SYNPR: variants seen among roughly 807,000 people sequenced by gnomAD.
SYNPR encodes the protein synaptoporin.
SYNPR carries 23 observed loss-of-function variants against 32.9 expected under a neutral mutation model. The ratio of observed to expected loss-of-function variants is 0.70; its 90% confidence interval spans 0.50 to 0.99. The LOEUF is 0.99. Among genes scored for constraint, SYNPR ranks in the 50% least tolerant of loss-of-function variants. The pLI is 0.00. For missense variants in SYNPR, 318 were observed against 349.3 expected (o/e 0.91, Z 0.71); for synonymous variants, 146 against 135.9 (o/e 1.07, Z -0.52).
At chr3:63,400,047 G>A (rs574355654) in intron 2 of SYNPR, among the ~76,000 whole-genome samples, 1 of 152,324 alleles carries the variant, frequency 6.6e-6, no homozygotes, top group Non-Finnish European at 1.5e-5. Flanking sequence ...ATTCTGCAGA[G>A]GATGAGCAAG....
chr3:63,376,511 G>C (rs1255816130), intron 2 of SYNPR, among the ~76,000 whole-genome samples: 1 of 151,974 alleles, frequency 6.6e-6, no homozygotes, highest in Non-Finnish European at 1.5e-5. Flanking sequence ...ACCACTCTGG[G>C]CTTCTTTTTG....
Position 63,291,777 on chromosome 3 carries a change from T to C in SYNPR, c.84+13035T>C, listed in dbSNP as rs2086741209. Among the ~76,000 whole-genome samples the C allele has an allele frequency of 2.0e-5, 3 of 152,174 alleles. No individual in the cohort carries two copies. In the South Asian group the frequency reaches 6.2e-4, roughly 31 times the overall value. ...GCTATTCTGGGGGAAAAGGCTGTGT[T>C]TACCAGCAACAGTACGTAAATTTGA... On this transcript the variant is annotated intron_variant, in intron 2 of 5. Coordinates refer to ENST00000478300, the MANE Select transcript of SYNPR (RefSeq NM_001130003.2).
intron 2 of SYNPR, among the ~76,000 whole-genome samples, chr3:63,319,105 T>C (rs968389934): frequency 6.6e-6 from 1 of 152,056 alleles, no homozygotes; most frequent in African/African-American, 2.4e-5. Flanking sequence ...TCCTGTGATG[T>C]GAACCATCTG....
In SYNPR at chr3:63,287,145, G is replaced by C. The variant is rs964603742; in HGVS notation, c.84+8403G>C. Among the ~76,000 whole-genome samples, 4 of 152,056 alleles carry C rather than the reference G, an allele frequency of 2.6e-5. No individual in the cohort carries two copies. In the East Asian group the frequency reaches 7.7e-4, roughly 29 times the overall value. The stretch of plus-strand genomic sequence containing the variant: ...GTAATGAATTATCCAAACTTTACTG[G>C]GGAATGTTCCTTAGGAGAGGGGAAT... On this transcript the variant is annotated intron_variant, in intron 2 of 5. Coordinates refer to ENST00000478300, the MANE Select transcript of SYNPR (RefSeq NM_001130003.2).
chr3:63,210,795 CCCTTCCTTCCTT>C, the SYNPR span, among the ~76,000 whole-genome samples: 2,658 of 143,954 alleles, frequency 0.018, 83 homozygotes, highest in African/African-American at 0.064. Context: ...CCATTTTCCT[CCCTTCCTTCCTT>C]CCTTCCTTCC....
intron 4 of SYNPR, among the ~76,000 whole-genome samples, chr3:63,600,318 T>C (rs1700021014): frequency 6.6e-6 from 1 of 152,204 alleles, no homozygotes; most frequent in Non-Finnish European, 1.5e-5. Flanking sequence ...TTCTACATCA[T>C]GCTCTGTGCC....
At chr3:63,464,981 C>A (rs1445083544) in intron 2 of SYNPR, among the ~76,000 whole-genome samples, 1 of 152,136 alleles carries the variant, frequency 6.6e-6, no homozygotes, top group Admixed American at 6.6e-5. Flanking sequence ...TATGTCTATG[C>A]TCATTAGTGT....
chr3:63,587,177 C>T (rs982822726), intron 4 of SYNPR, among the ~76,000 whole-genome samples: 2 of 152,070 alleles, frequency 1.3e-5, no homozygotes, highest in African/African-American at 4.8e-5. Flanking sequence ...ATGTCATTGG[C>T]CGTGACTAAA....
chr3:63,288,244 T>C (rs1218006413), intron 2 of SYNPR, among the ~76,000 whole-genome samples: 2 of 152,214 alleles, frequency 1.3e-5, no homozygotes, highest in African/African-American at 2.4e-5. Context: ...AAAAGGGTCA[T>C]GATATTCGAA....
intron 2 of SYNPR, among the ~76,000 whole-genome samples, chr3:63,294,525 G>A (rs925468906): frequency 6.6e-6 from 1 of 152,294 alleles, no homozygotes; most frequent in East Asian, 1.9e-4. Context: ...TGCTGTTCAC[G>A]TGGACTTTTA....
At chr3:63,569,356 T>C (rs1268578894) in intron 4 of SYNPR, among the ~76,000 whole-genome samples, 1 of 152,166 alleles carries the variant, frequency 6.6e-6, no homozygotes, top group Non-Finnish European at 1.5e-5. Flanking sequence ...CCCTAACCTG[T>C]GACCTCTTAT....
At chr3:63,611,145 G>A (rs1004679129) in intron 5 of SYNPR, among the ~76,000 whole-genome samples, 3 of 152,070 alleles carry the variant, frequency 2.0e-5, no homozygotes, top group Non-Finnish European at 4.4e-5. Flanking sequence ...AACTACAACA[G>A]GAAAAAAGTA....
At chr3:63,403,414 A>G (rs2088318235) in intron 2 of SYNPR, among the ~76,000 whole-genome samples, 1 of 150,124 alleles carries the variant, frequency 6.7e-6, no homozygotes, top group African/African-American at 2.5e-5. Flanking sequence ...ACACACACAC[A>G]CACATTCTCA....
intron 2 of SYNPR, among the ~76,000 whole-genome samples, chr3:63,343,920 G>C (rs1423261107): frequency 6.6e-6 from 1 of 152,212 alleles, no homozygotes; most frequent in Non-Finnish European, 1.5e-5. Flanking sequence ...CTGTGTCTAT[G>C]CCGGAAACGG....
intron 2 of SYNPR, among the ~76,000 whole-genome samples, chr3:63,451,838 A>C (rs1441052691): frequency 6.6e-6 from 1 of 152,126 alleles, no homozygotes; most frequent in Non-Finnish European, 1.5e-5. Context: ...ACCTCAAAGC[A>C]TCTCCTAATA....
At chr3:63,385,614 C>T (rs1008214452) in intron 2 of SYNPR, among the ~76,000 whole-genome samples, 1 of 152,186 alleles carries the variant, frequency 6.6e-6, no homozygotes, top group African/African-American at 2.4e-5. Context: ...CAATCCATAA[C>T]CTGGCTGTAA....
At chr3:63,285,315 A>G (rs551405028) in intron 2 of SYNPR, among the ~76,000 whole-genome samples, 172 of 152,346 alleles carry the variant, frequency 1.1e-3, no homozygotes, top group Admixed American at 3.7e-3. Context: ...AAATATGTAG[A>G]AAAAGACTTC....
At chr3:63,523,722 G>T (rs1032756595) in intron 3 of SYNPR, among the ~76,000 whole-genome samples, 3 of 151,952 alleles carry the variant, frequency 2.0e-5, no homozygotes, top group African/African-American at 7.2e-5. Context: ...TTGATTTTTG[G>T]GTTTTGTTTG....
At chr3:63,335,301 C>T (rs985238816) in intron 2 of SYNPR, among the ~76,000 whole-genome samples, 4 of 143,310 alleles carry the variant, frequency 2.8e-5, no homozygotes, top group African/African-American at 1.0e-4. Context: ...TGCAGTGAGC[C>T]GAGACTGCGC....
Sources: gnomAD v4.1 joint callset for allele counts (sites outside exome capture counted in the v4.1 genomes callset) on GRCh38, gnomAD v4.1.1 for gene constraint, MANE v1.5 for transcripts, NCBI Gene and HGNC (gene_info 2026-07-23, HGNC 2026-07-21) for gene names.